Variants in HCN4 observed in about 807,000 individuals in gnomAD.
HCN4 encodes potassium/sodium hyperpolarization-activated cyclic nucleotide-gated channel 4.
HCN4 carries 29 observed loss-of-function variants against 76.9 expected under a neutral mutation model. The observed-to-expected ratio is 0.38, with a 90% confidence interval of 0.28 to 0.51. The LOEUF is 0.51. Ranked by LOEUF, HCN4 falls within the 20% of genes least tolerant of loss-of-function variation. The pLI is 0.90. For synonymous variants in HCN4, 772 were observed against 762.5 expected (o/e 1.01, Z -0.21); for missense variants, 1,416 against 1,715.2 (o/e 0.83, Z 3.08).
At chr15:73,359,603 T>C (rs971839322) in intron 1 of HCN4, among the ~76,000 whole-genome samples, 4 of 152,020 alleles carry the variant, frequency 2.6e-5, no homozygotes, top group African/African-American at 9.7e-5. Context: ...AGGATGCCAG[T>C]TCCTGACCCT....
chr15:73,347,860 A>G (rs1266642390), intron 1 of HCN4, among the ~76,000 whole-genome samples: 1 of 152,128 alleles, frequency 6.6e-6, no homozygotes, highest in African/African-American at 2.4e-5. Flanking sequence ...CTTTAAGTTA[A>G]CAGGAGTCCT....
chr15:73,357,763 G>A (rs1025895045), intron 1 of HCN4, among the ~76,000 whole-genome samples: 2 of 151,816 alleles, frequency 1.3e-5, no homozygotes, highest in African/African-American at 2.4e-5. Context: ...CCCCAGCCCC[G>A]CTCCCCAGGA....
chr15:73,365,938 C>T (rs1480895469), intron 1 of HCN4, among the ~76,000 whole-genome samples: 1 of 152,132 alleles, frequency 6.6e-6, no homozygotes, highest in Non-Finnish European at 1.5e-5. Flanking sequence ...AGACATAGCC[C>T]CTGCTCACTC....
At chr15:73,360,989 C>T (rs1034050846) in intron 1 of HCN4, among the ~76,000 whole-genome samples, 4 of 152,200 alleles carry the variant, frequency 2.6e-5, no homozygotes, top group Non-Finnish European at 4.4e-5. Flanking sequence ...TTCAGCTCCC[C>T]GCTGTGGAGT....
intron 1 of HCN4, among the ~76,000 whole-genome samples, chr15:73,362,197 GCAGA>G (rs1413966222): frequency 6.6e-6 from 1 of 152,218 alleles, no homozygotes; most frequent in East Asian, 1.9e-4. Context: ...ACACTGGCAG[GCAGA>G]CCTCTGTGAC....
intron 1 of HCN4, among the ~76,000 whole-genome samples, chr15:73,362,763 G>A (rs1224943122): frequency 1.3e-5 from 2 of 152,234 alleles, no homozygotes; most frequent in Non-Finnish European, 2.9e-5. Context: ...GAAGCTCACA[G>A]CAGCTAAGGG....
In HCN4 at chr15:73,322,511, T is replaced by C. The variant is rs375637572; in HGVS notation, c.3582A>G (p.Pro1194=). The change falls in exon 8 of 8, where the codon CCA becomes CCG. Residue 1194 remains proline, a synonymous_variant. Coordinates refer to ENST00000261917, the MANE Select transcript of HCN4 (RefSeq NM_005477.3). ...PQREPGARPE[P]VRSKLPSNL ...GATTGGATGGCAGTTTGGAGCGCAC[T>C]GGCTCAGGCCTGGCCCCAGGTTCCC... 68 of 1,601,514 alleles carry C rather than the reference T, an allele frequency of 4.2e-5. No individual in the cohort carries two copies. The highest frequency in any genetic ancestry group is 2.6e-4 in the Admixed American group (15 of 58,408).
chr15:73,332,044 T>C, intron 3 of HCN4, 87 bp downstream of exon 3: 2 of 1,356,640 alleles, frequency 1.5e-6, no homozygotes, highest in Non-Finnish European at 2.1e-6. Context: ...ATGCTGGAAC[T>C]CAGAAGTTCC....
rs892859031 is a variant in HCN4, at chr15:73,367,195, C to A, written c.785+291G>T. Among the ~76,000 whole-genome samples, 1 of 152,184 alleles carries A rather than the reference C, an allele frequency of 6.6e-6. No homozygotes were observed. The highest frequency in any genetic ancestry group is 6.5e-5 in the Admixed American group (1 of 15,290). ...AGGAGGAATATGTGGCTTAAGGTGG[C>A]AGAGCCCTATCCTGGCTGCCGGCAG... is the stretch of plus-strand genomic sequence containing the variant. On this transcript the variant is annotated intron_variant, in intron 1 of 7. Transcript: ENST00000261917. The surrounding 1 kb of genome is among the most constrained non-coding windows in gnomAD (Gnocchi z 7.5).
At chr15:73,363,151 A>C (rs1016265225) in intron 1 of HCN4, among the ~76,000 whole-genome samples, 2 of 152,156 alleles carry the variant, frequency 1.3e-5, no homozygotes, top group African/African-American at 4.8e-5. Flanking sequence ...TTGCACACTG[A>C]GAGTCCTAAC....
At chr15:73,339,607 G>A (rs2042987533) in intron 2 of HCN4, among the ~76,000 whole-genome samples, 1 of 152,244 alleles carries the variant, frequency 6.6e-6, no homozygotes, top group Non-Finnish European at 1.5e-5. Flanking sequence ...CAGCTTCAGA[G>A]AACATCATTA....
chr15:73,347,954 C>T (rs1001056926), intron 1 of HCN4, among the ~76,000 whole-genome samples: 2 of 152,240 alleles, frequency 1.3e-5, no homozygotes, highest in African/African-American at 2.4e-5. Flanking sequence ...TTACTTCCTA[C>T]CTGGACCAAT....
At chr15:73,324,666 A>G (rs1197290959) in intron 6 of HCN4, among the ~76,000 whole-genome samples, 2 of 152,176 alleles carry the variant, frequency 1.3e-5, no homozygotes, top group East Asian at 3.9e-4. Context: ...TCAGCAGTGC[A>G]GCCCAGAAGA....
At chr15:73,359,473 A>G (rs1171717599) in intron 1 of HCN4, among the ~76,000 whole-genome samples, 1 of 152,080 alleles carries the variant, frequency 6.6e-6, no homozygotes, top group Non-Finnish European at 1.5e-5. Context: ...AGATACTAAG[A>G]GGTGTAGGAG....
At chr15:73,354,883 C>G (rs1193176029) in intron 1 of HCN4, among the ~76,000 whole-genome samples, 1 of 152,130 alleles carries the variant, frequency 6.6e-6, no homozygotes, top group African/African-American at 2.4e-5. Context: ...CTCAAGAAGC[C>G]CTCAATATAG....
rs960887595 is a variant in HCN4 at position 73,328,512 on chromosome 15, G to A, written c.1590+1061C>T. Among the ~76,000 whole-genome samples, 1 of 152,046 alleles carries A rather than the reference G, an allele frequency of 6.6e-6. No homozygotes were observed. Among genetic ancestry groups the A allele is most frequent in the Admixed American group, 6.5e-5 (1 of 15,282 alleles). ...TTAGATGCCGCTCCAACTGCTGTGT[G>A]AGGTGTGCAGTGGAAGGTGCCAGGG... On this transcript the variant is annotated intron_variant, in intron 4 of 7. Coordinates refer to ENST00000261917, the MANE Select transcript of HCN4 (RefSeq NM_005477.3). The surrounding 1 kb of genome is among the most constrained non-coding windows in gnomAD (Gnocchi z 4.0).
At chr15:73,331,857 G>A (rs1345982206) in intron 3 of HCN4, among the ~76,000 whole-genome samples, 3 of 152,110 alleles carry the variant, frequency 2.0e-5, no homozygotes, top group Admixed American at 1.3e-4. Flanking sequence ...AGTCTCCCTG[G>A]GTAAAATCAA....
intron 4 of HCN4, among the ~76,000 whole-genome samples, chr15:73,327,108 C>CTT (rs975122477): frequency 2.0e-4 from 26 of 131,114 alleles, no homozygotes; most frequent in African/African-American, 6.7e-4. Flanking sequence ...TTTTCTTTTT[C>CTT]TTTTTTTTTT....
rs142594231 is a variant in HCN4 at position 73,354,787 on chromosome 15, T to G, written c.786-10979A>C. Among the ~76,000 whole-genome samples the G allele has an allele frequency of 3.1e-3, 470 of 152,308 alleles. 2 individuals carry two copies. The highest frequency in any genetic ancestry group is 0.01 in the Middle Eastern group (3 of 294). On this transcript the variant is annotated intron_variant, in intron 1 of 7. Transcript: ENST00000261917. The stretch of plus-strand genomic sequence containing the variant: ...CCCATCATCATCATCCCCATCATCA[T>G]CATCATCATCATCATTCTATGGCCA...
Sources: allele counts gnomAD v4.1 joint callset (sites outside exome capture counted in the v4.1 genomes callset), GRCh38; gene constraint gnomAD v4.1.1; non-coding constraint Gnocchi (gnomAD v3.1); transcripts MANE v1.5; gene names NCBI Gene and HGNC (gene_info 2026-07-23, HGNC 2026-07-21).